Variants in CFAP54 observed in about 807,000 individuals in gnomAD.
CFAP54 encodes cilia and flagella associated protein 54, also known as cilia- and flagella-associated protein 54.
A neutral mutation model predicts 370.4 loss-of-function variants in CFAP54; 290 were observed. The observed-to-expected ratio is 0.78, with a 90% CI of 0.71 to 0.86. The LOEUF is 0.86. Ranked by LOEUF, CFAP54 falls within the 40% of genes least tolerant of loss-of-function variation. The pLI, the probability that CFAP54 is intolerant of heterozygous loss-of-function variation, is 0.00. For missense variants in CFAP54, 3,399 were observed against 3,528.7 expected (o/e 0.96, Z 0.93); for synonymous variants, 1,206 against 1,236.5 (o/e 0.98, Z 0.52).
At chr12:96,537,258 C>G (rs1040864731) in intron 12 of CFAP54, among the ~76,000 whole-genome samples, 7 of 152,100 alleles carry the variant, frequency 4.6e-5, no homozygotes, top group African/African-American at 1.7e-4. Flanking sequence ...TTCTGTTCAG[C>G]TTTTGCCTTT....
intron 63 of CFAP54, among the ~76,000 whole-genome samples, chr12:96,808,128 T>A (rs1358891118): frequency 6.6e-6 from 1 of 152,146 alleles, no homozygotes; most frequent in Non-Finnish European, 1.5e-5. Flanking sequence ...AGTTTGGGAA[T>A]AATCTCTAAT....
Position 96,805,170 on chromosome 12 carries a change from C to A in CFAP54, c.8851-6566C>A, listed in dbSNP as rs560627551. Among the ~76,000 whole-genome samples the A allele has an allele frequency of 5.9e-5, 9 of 152,174 alleles. No homozygotes were observed. The South Asian group carries it at 1.0e-3, about 18-fold the overall frequency. Reference sequence around the variant, plus strand: ...AGAAAACCTAAAAAATTCTCCTGGACATTGGCCTAGGCAAAACATTTATGA... The same window carrying A: ...AGAAAACCTAAAAAATTCTCCTGGAAATTGGCCTAGGCAAAACATTTATGA... On this transcript the variant is annotated intron_variant, in intron 63 of 67. Coordinates refer to ENST00000524981, the MANE Select transcript of CFAP54 (RefSeq NM_001306084.2).
Position 96,708,214 on chromosome 12 carries a change from G to T in CFAP54, c.6529-394G>T, listed in dbSNP as rs183790133. Among the ~76,000 whole-genome samples the T allele has an allele frequency of 2.8e-4, 42 of 152,226 alleles. No homozygotes were observed. The East Asian group carries it at 5.2e-3, about 19-fold the overall frequency. ...AGCTGGGTAGGGAGATTGCTTGTCTGCCCATCTTTTCCTGTTCCTGTCATA... is the reference window on the plus strand; with the variant it reads ...AGCTGGGTAGGGAGATTGCTTGTCTTCCCATCTTTTCCTGTTCCTGTCATA... On this transcript the variant is annotated intron_variant, in intron 47 of 67. Transcript: ENST00000524981.
At position 96,621,727 on chromosome 12, in the gene CFAP54, T is replaced by G. The variant is rs78509746; in HGVS notation, c.3771+6T>G. 6.6e-7 allele frequency: 1 copy of G among 1,519,658 alleles called. No homozygotes were observed. Among genetic ancestry groups the G allele is most frequent in the East Asian group, 2.5e-5 (1 of 40,596 alleles). 94.1% of individuals were successfully genotyped at this position (1,519,658 alleles called of 1,614,324 possible). On this transcript the variant is annotated splice_donor_region_variant and intron_variant, in intron 27 of 67. Transcript: ENST00000524981. ...AAGAAGAAATGCCAGAGGAGGTAAT[T>G]GTTTTTGTTTCTCATTTTTAAACCT... is the stretch of plus-strand genomic sequence containing the variant.
chr12:96,804,465 T>C (rs1293357321), intron 63 of CFAP54, among the ~76,000 whole-genome samples: 4 of 152,160 alleles, frequency 2.6e-5, no homozygotes, highest in Non-Finnish European at 5.9e-5. Context: ...GTAGCATTTC[T>C]ATATACCAAT....
At chr12:96,554,548 G>T in intron 16 of CFAP54, 128 bp from the exon 17 acceptor site, 1 of 1,111,754 alleles carries the variant, frequency 9.0e-7, no homozygotes, top group East Asian at 2.6e-5. Flanking sequence ...ACTGCAAAGG[G>T]CTGAGAAGTG....
chr12:96,845,421 T>C (rs2136449461), intron 66 of CFAP54, among the ~76,000 whole-genome samples: 1 of 152,356 alleles, frequency 6.6e-6, no homozygotes, highest in South Asian at 2.1e-4. Flanking sequence ...GGGAATGTGA[T>C]GGCTGACAGC....
At chr12:96,836,373 A>G (rs986413086) in intron 66 of CFAP54, among the ~76,000 whole-genome samples, 1 of 152,202 alleles carries the variant, frequency 6.6e-6, no homozygotes, top group African/African-American at 2.4e-5. Flanking sequence ...TTGGGGCACT[A>G]GGCTTCCTGG....
chr12:96,693,036 A>G (rs1957402893), intron 44 of CFAP54, among the ~76,000 whole-genome samples: 1 of 152,200 alleles, frequency 6.6e-6, no homozygotes, highest in South Asian at 2.1e-4. Flanking sequence ...TTGATGGTCT[A>G]TAAGCCTTCA....
At chr12:96,604,487 C>T (rs969009080) in intron 26 of CFAP54, among the ~76,000 whole-genome samples, 4 of 152,370 alleles carry the variant, frequency 2.6e-5, no homozygotes, top group African/African-American at 9.6e-5. Context: ...CTGCTCTCTT[C>T]AGAGCTGTCA....
intron 14 of CFAP54, among the ~76,000 whole-genome samples, chr12:96,542,913 A>G (rs1040708742): frequency 6.6e-5 from 10 of 152,140 alleles, no homozygotes; most frequent in Non-Finnish European, 1.5e-5. Context: ...CAAGACGTTT[A>G]TCTTTTGAAG....
intron 67 of CFAP54, among the ~76,000 whole-genome samples, chr12:96,868,419 T>A (rs1398915838): frequency 2.0e-5 from 3 of 147,056 alleles, no homozygotes; most frequent in African/African-American, 4.9e-5. Flanking sequence ...ATTTTTTACT[T>A]GTATGTTCAT....
chr12:96,499,214 G>A (rs1313273782), intron 1 of CFAP54, among the ~76,000 whole-genome samples: 1 of 152,138 alleles, frequency 6.6e-6, no homozygotes, highest in Non-Finnish European at 1.5e-5. Context: ...CTGACCTCAA[G>A]TGATCCACCT....
intron 50 of CFAP54, among the ~76,000 whole-genome samples, chr12:96,738,911 A>G (rs560329391): frequency 6.6e-6 from 1 of 152,236 alleles, no homozygotes; most frequent in South Asian, 2.1e-4. Context: ...CACCCGGCCC[A>G]AATCTCCCTT....
chr12:96,692,455 G>A (rs539422178), intron 44 of CFAP54, among the ~76,000 whole-genome samples: 1 of 152,000 alleles, frequency 6.6e-6, no homozygotes, highest in African/African-American at 2.4e-5. Flanking sequence ...GAATAATTGA[G>A]CAATTGGCAG....
intron 60 of CFAP54, among the ~76,000 whole-genome samples, chr12:96,778,521 G>A (rs1395333462): frequency 6.6e-6 from 1 of 152,128 alleles, no homozygotes; most frequent in Non-Finnish European, 1.5e-5. Flanking sequence ...TTCTTCCTGA[G>A]ATTTACATCT....
At chr12:96,759,528 A>C (rs1334400215) in intron 58 of CFAP54, among the ~76,000 whole-genome samples, 1 of 152,242 alleles carries the variant, frequency 6.6e-6, no homozygotes, top group Non-Finnish European at 1.5e-5. Context: ...GGAAGCACAG[A>C]AAACAGCCAA....
intron 50 of CFAP54, among the ~76,000 whole-genome samples, chr12:96,721,804 C>T (rs973212469): frequency 6.6e-6 from 1 of 152,064 alleles, no homozygotes; most frequent in Admixed American, 6.6e-5. Flanking sequence ...GCCCTATATT[C>T]TAATAGATAA....
At chr12:96,861,505 T>C (rs1959879234) in intron 67 of CFAP54, among the ~76,000 whole-genome samples, 1 of 152,186 alleles carries the variant, frequency 6.6e-6, no homozygotes, top group South Asian at 2.1e-4. Flanking sequence ...CTAAATGGCT[T>C]GGGAAAAAAT....
Sources: gnomAD v4.1 joint callset for allele counts (sites outside exome capture counted in the v4.1 genomes callset) on GRCh38, gnomAD v4.1.1 for gene constraint, MANE v1.5 for transcripts, NCBI Gene and HGNC (gene_info 2026-07-23, HGNC 2026-07-21) for gene names.